Variants in PHF20L1 observed in about 807,000 individuals in gnomAD.
PHF20L1 encodes the protein PHD finger protein 20 like 1.
In PHF20L1, 44 loss-of-function variants were observed where a neutral mutation model predicts 125.5. The ratio of observed to expected loss-of-function variants is 0.35; its 90% CI spans 0.28 to 0.45. The LOEUF is 0.45. Ranked by LOEUF, PHF20L1 falls within the 20% of genes least tolerant of loss-of-function variation. The pLI is 1.00. For synonymous variants in PHF20L1, 380 were observed against 403.1 expected (o/e 0.94, Z 0.69); for missense variants, 1,012 against 1,217.2 (o/e 0.83, Z 2.51).
intron 8 of PHF20L1, chr8:132,809,850 A>G (rs1297431602): frequency 6.6e-6 from 1 of 152,184 alleles, no homozygotes; most frequent in African/African-American, 2.4e-5. Context: ...CCTTGAAATG[A>G]CACAGAAATG....
intron 15 of PHF20L1, among the ~76,000 whole-genome samples, chr8:132,832,921 A>G (rs997449369): frequency 6.6e-6 from 1 of 152,104 alleles, no homozygotes; most frequent in Non-Finnish European, 1.5e-5. Context: ...ACAGGCAGGA[A>G]CTAAGCGCCC....
chr8:132,817,057 A>T lies in PHF20L1; in HGVS notation c.1353A>T (p.Gln451His). Residue 451 changes from glutamine to histidine, a missense_variant, in exon 11 of 21, where the codon CAA becomes CAT. Transcript: ENST00000395386. ...KVFSISSQNQ[Q>H]ESSVPEVPDV... ...TCTCCATCAGTTCTCAAAATCAGCA[A>T]GAATCTTCAGTACCAGAGGGTAATG... 1 of 1,583,556 alleles carries T rather than the reference A, an allele frequency of 6.3e-7. No homozygotes were observed. The highest frequency in any genetic ancestry group is 2.2e-5 in the East Asian group (1 of 44,616).
At chr8:132,825,514 A>G (rs889987388) in intron 14 of PHF20L1, 143 bp downstream of exon 14, 1 of 629,390 alleles carries the variant, frequency 1.6e-6, no homozygotes, top group Non-Finnish European at 2.5e-6. Context: ...CTTTCCTTTG[A>G]CATGAAATTT....
rs754555785 is a variant in PHF20L1 at position 132,817,554 on chromosome 8, A to G, written c.1579+9A>G. ...AGCTCCAGCAGCAGCAGGTAAAAGA[A>G]AAAAAATAAAGGCTCCTATAAGTAG... On this transcript the variant is annotated intron_variant, in intron 12 of 20. Coordinates refer to ENST00000395386, the MANE Select transcript of PHF20L1 (RefSeq NM_016018.5). The G allele has an allele frequency of 6.3e-7, 1 of 1,594,842 alleles. No homozygotes were observed. Among genetic ancestry groups the G allele is most frequent in the African/African-American group, 1.4e-5 (1 of 73,966 alleles).
At chr8:132,844,928 C>T (rs551918384) in intron 20 of PHF20L1, among the ~76,000 whole-genome samples, 10 of 152,086 alleles carry the variant, frequency 6.6e-5, no homozygotes, top group African/African-American at 1.9e-4. Context: ...ACATCATAGA[C>T]GATATTCTGC....
rs1476241952 is a variant in PHF20L1, at chr8:132,846,144, T to A, written c.*221T>A. The A allele has an allele frequency of 1.1e-5, 5 of 470,950 alleles. No homozygotes were observed. The highest frequency in any genetic ancestry group is 1.9e-5 in the Non-Finnish European group (5 of 261,214). The allele number at this position is 470,950 out of a possible 1,614,324, so 29.2% of individuals were successfully genotyped here. A position where few individuals can be genotyped will look rare whatever the true frequency, so the allele number is the denominator to read the frequency against. ...TTCATGAGCAAGCTGCAAATGAGAA[T>A]GTGTTATATGCCAAGGAACAATGAA... On this transcript the variant is annotated 3_prime_UTR_variant, in exon 21 of 21. Transcript: ENST00000395386.
chr8:132,842,482 T>C (rs752030564), intron 18 of PHF20L1, 33 bp from the exon 19 acceptor site: 34 of 1,537,456 alleles, frequency 2.2e-5, no homozygotes, highest in Admixed American at 1.5e-4. Flanking sequence ...TTTTTTTTTT[T>C]CTGAACTGCT....
intron 2 of PHF20L1, among the ~76,000 whole-genome samples, chr8:132,793,561 A>G (rs1446142616): frequency 2.0e-5 from 3 of 152,168 alleles, no homozygotes; most frequent in Non-Finnish European, 2.9e-5. Context: ...TGAGTTCTGA[A>G]TGTTATTTAA....
rs1243541866 is a variant in PHF20L1, at chr8:132,812,049, CA to C, written c.930+922del. The C allele has an allele frequency of 8.1e-6, 8 of 983,930 alleles. No homozygotes were observed. In the Admixed American group the frequency reaches 4.9e-4, roughly 61 times the overall value. 60.9% of individuals were successfully genotyped at this position (983,930 alleles called of 1,614,324 possible). On this transcript the variant is annotated intron_variant, in intron 9 of 20. Coordinates refer to ENST00000395386, the MANE Select transcript of PHF20L1 (RefSeq NM_016018.5). Reference sequence around the variant, plus strand: ...TAACAATGCGTTGTTTTGGTGCCTCCATTAATGTTGTATTAAATCAATGGGT... The same window carrying C: ...TAACAATGCGTTGTTTTGGTGCCTCCTTAATGTTGTATTAAATCAATGGGT...
intron 15 of PHF20L1, among the ~76,000 whole-genome samples, chr8:132,835,221 T>G (rs1837218167): frequency 6.6e-6 from 1 of 152,108 alleles, no homozygotes; most frequent in Non-Finnish European, 1.5e-5. Flanking sequence ...AATGCAAAGT[T>G]CTTGCTGTCA....
At chr8:132,831,318 C>T (rs1175355838) in intron 14 of PHF20L1, among the ~76,000 whole-genome samples, 1 of 151,984 alleles carries the variant, frequency 6.6e-6, no homozygotes, top group Non-Finnish European at 1.5e-5. Flanking sequence ...GTGGCATGCA[C>T]TCTTCAGCTT....
At chr8:132,778,610 A>G (rs1232410277) in intron 2 of PHF20L1, among the ~76,000 whole-genome samples, 1 of 152,178 alleles carries the variant, frequency 6.6e-6, no homozygotes, top group Non-Finnish European at 1.5e-5. Context: ...TTGGTATAAA[A>G]CTACTATCTG....
chr8:132,821,623 T>A (rs1454830305), intron 12 of PHF20L1, among the ~76,000 whole-genome samples: 1 of 151,966 alleles, frequency 6.6e-6, no homozygotes, highest in African/African-American at 2.4e-5. Context: ...CTGGGGTTTC[T>A]ATGGAGAGTC....
intron 19 of PHF20L1, 111 bp downstream of exon 19, chr8:132,842,986 C>G: frequency 6.9e-7 from 1 of 1,452,862 alleles, no homozygotes; most frequent in Non-Finnish European, 9.1e-7. Context: ...TTCCAAGTTC[C>G]CCAGTACCTT....
chr8:132,805,435 CCA>C (rs756896096), intron 8 of PHF20L1, among the ~76,000 whole-genome samples: 1 of 151,832 alleles, frequency 6.6e-6, no homozygotes, highest in African/African-American at 2.4e-5. Context: ...CCTGCCATTT[CCA>C]CAGTCTATTC....
intron 8 of PHF20L1, among the ~76,000 whole-genome samples, chr8:132,806,199 A>G (rs529019256): frequency 5.3e-5 from 8 of 151,980 alleles, no homozygotes; most frequent in African/African-American, 9.7e-5. Flanking sequence ...AATAGTTTCA[A>G]TCAATATACT....
At chr8:132,837,872 G>A in intron 17 of PHF20L1, 61 bp downstream of exon 17, 1 of 1,151,248 alleles carries the variant, frequency 8.7e-7, no homozygotes, top group Non-Finnish European at 1.3e-6. Context: ...CAGGATTCCA[G>A]AGTGTATCAG....
At chr8:132,781,497 C>A (rs1402183184) in intron 2 of PHF20L1, among the ~76,000 whole-genome samples, 1 of 152,194 alleles carries the variant, frequency 6.6e-6, no homozygotes, top group African/African-American at 2.4e-5. Context: ...ACTGCAACCT[C>A]CGCTCGCTGC....
rs1024643309 is a variant in PHF20L1, at chr8:132,793,789, G to C, written c.84-621G>C. On this transcript the variant is annotated intron_variant, in intron 2 of 20. Coordinates refer to ENST00000395386, the MANE Select transcript of PHF20L1 (RefSeq NM_016018.5). The stretch of plus-strand genomic sequence containing the variant: ...TCATTGTTGCTCTTTATAAAATATT[G>C]ATAAATACAGAAAAATAAGAATTAA... Among the ~76,000 whole-genome samples, 6 of 152,002 alleles carry C rather than the reference G, an allele frequency of 3.9e-5. No homozygotes were observed. The East Asian group carries it at 1.2e-3, about 29-fold the overall frequency.
Sources: allele counts gnomAD v4.1 joint callset (sites outside exome capture counted in the v4.1 genomes callset), GRCh38; gene constraint gnomAD v4.1.1; transcripts MANE v1.5; gene names NCBI Gene and HGNC (gene_info 2026-07-23, HGNC 2026-07-21).